The following CCDC144A variants were observed in gnomAD, a reference collection of about 807,000 sequenced individuals.
CCDC144A encodes coiled-coil domain-containing protein 144A.
A neutral mutation model predicts 143.8 loss-of-function variants in CCDC144A; 41 were observed. The observed-to-expected ratio is 0.29, with a 90% CI of 0.22 to 0.37. CCDC144A has a LOEUF of 0.37. CCDC144A is among the 10% of genes least tolerant of loss of function. CCDC144A has a pLI of 1.00. For missense variants in CCDC144A, 637 were observed against 1,488.8 expected, an observed-to-expected ratio of 0.43 and a Z score of 9.41; for synonymous variants, 242 against 517.9, an observed-to-expected ratio of 0.47 and a Z score of 7.23.
intron 2 of CCDC144A, among the ~76,000 whole-genome samples, chr17:16,702,050 T>C (rs1911765039): frequency 6.6e-6 from 1 of 152,188 alleles, no homozygotes; most frequent in Admixed American, 6.5e-5. Flanking sequence ...TCTATATTAT[T>C]ATAATATGGC....
chr17:16,733,002 A>T (rs1287145257), intron 11 of CCDC144A, among the ~76,000 whole-genome samples: 1 of 151,828 alleles, frequency 6.6e-6, no homozygotes, highest in South Asian at 2.1e-4. Context: ...TCTAGTTTTC[A>T]GACATTATTT....
intron 3 of CCDC144A, chr17:16,705,753 C>T (rs969592411): frequency 3.6e-6 from 1 of 276,578 alleles, no homozygotes; most frequent in African/African-American, 2.3e-5. Flanking sequence ...TTTATTTTTA[C>T]AGCTCTGAAT....
the CCDC144A span, among the ~76,000 whole-genome samples, chr17:16,670,319 G>A: frequency 7.1e-6 from 1 of 141,272 alleles, no homozygotes; most frequent in South Asian, 2.4e-4. Context: ...ACAGAGTCTG[G>A]CTCTGTCACC....
At chr17:16,691,764 AAAACAAACAAAC>A (rs199922365) in intron 1 of CCDC144A, 13 of 151,630 alleles carry the variant, frequency 8.6e-5, no homozygotes, top group African/African-American at 2.9e-4. Context: ...GACTCAGTCT[AAAACAAACAAAC>A]AAACAAACAA....
chr17:16,679,805 C>T, the CCDC144A span, among the ~76,000 whole-genome samples: 2 of 151,942 alleles, frequency 1.3e-5, no homozygotes, highest in Non-Finnish European at 2.9e-5. Context: ...TAAACTTCCT[C>T]TCTCTGGAAT....
chr17:16,693,385 C>T (rs1270108721), intron 2 of CCDC144A, among the ~76,000 whole-genome samples: 11 of 151,324 alleles, frequency 7.3e-5, no homozygotes, highest in East Asian at 1.9e-4. Flanking sequence ...GGTGCGATCT[C>T]GGCTCACTGC....
chr17:16,685,538 G>A (rs924274308), upstream of CCDC144A, among the ~76,000 whole-genome samples: 8 of 151,132 alleles, frequency 5.3e-5, no homozygotes, highest in Admixed American at 2.6e-4. Context: ...CTGCTACCAC[G>A]CCTGGCTAAT....
At chr17:16,693,584 G>T (rs1911226544) in intron 2 of CCDC144A, among the ~76,000 whole-genome samples, 1 of 152,092 alleles carries the variant, frequency 6.6e-6, no homozygotes, top group Middle Eastern at 3.2e-3. Context: ...CAAAGTGCTG[G>T]GATTACAGGC....
chr17:16,680,579 G>GAAAGAGAGAGAGAGAA, the CCDC144A span, among the ~76,000 whole-genome samples: 3 of 136,682 alleles, frequency 2.2e-5, no homozygotes, highest in East Asian at 6.9e-4. Context: ...AAGAAAGAGA[G>GAAAGAGAGAGAGAGAA]AAAGAGAGAG....
chr17:16,744,447 C>A (rs1914399445), intron 12 of CCDC144A, among the ~76,000 whole-genome samples: 2 of 152,174 alleles, frequency 1.3e-5, no homozygotes, highest in Non-Finnish European at 2.9e-5. Flanking sequence ...ATTTGCTTTT[C>A]TCTGATGATC....
intron 6 of CCDC144A, among the ~76,000 whole-genome samples, chr17:16,714,439 A>G (rs1202397730): frequency 6.6e-6 from 1 of 152,138 alleles, no homozygotes; most frequent in Non-Finnish European, 1.5e-5. Context: ...TCCTACTTGC[A>G]TTAATGGCAA....
intron 14 of CCDC144A, among the ~76,000 whole-genome samples, chr17:16,762,970 G>T (rs1915442765): frequency 6.8e-6 from 1 of 146,846 alleles, no homozygotes; most frequent in Non-Finnish European, 1.5e-5. Flanking sequence ...AAAACAGAAA[G>T]GGTCAAGTAC....
chr17:16,708,712 G>A (rs1255661627), intron 4 of CCDC144A, 84 bp from the exon 5 acceptor site: 20 of 1,554,556 alleles, frequency 1.3e-5, no homozygotes, highest in Non-Finnish European at 1.7e-5. Context: ...TAAGGACAAA[G>A]CTATTTTTAA....
chr17:16,758,012 T>C (rs554286823), intron 12 of CCDC144A, among the ~76,000 whole-genome samples: 383 of 152,158 alleles, frequency 2.5e-3, no homozygotes, highest in Non-Finnish European at 2.5e-3. Flanking sequence ...TCTTTGATGT[T>C]TTCCTCAAGG....
intron 6 of CCDC144A, among the ~76,000 whole-genome samples, chr17:16,717,270 GC>G (rs1305610636): frequency 6.6e-6 from 1 of 151,210 alleles, no homozygotes; most frequent in Non-Finnish European, 1.5e-5. Flanking sequence ...GCGCCACCAT[GC>G]CCAGCTAATT....
rs1440592976 is a variant in CCDC144A at position 16,730,823 on chromosome 17, C to T, written c.2106-977C>T. Among the ~76,000 whole-genome samples the T allele has an allele frequency of 2.1e-5, 3 of 142,364 alleles. 1 individual carries two copies. Among genetic ancestry groups the T allele is most frequent in the South Asian group, 4.7e-4 (2 of 4,236 alleles). 93.4% of individuals were successfully genotyped at this position (142,364 alleles called of 152,430 possible). On this transcript the variant is annotated intron_variant, in intron 9 of 16. Coordinates refer to ENST00000399273, the MANE Select transcript of CCDC144A (RefSeq NM_001382000.1). ...GTCATTCTTGATGTTTACTAGTGCT[C>T]CTGATTTGTGTACATTGATTTTGTA... is the stretch of plus-strand genomic sequence containing the variant.
At chr17:16,679,005 C>T in the CCDC144A span, among the ~76,000 whole-genome samples, 5 of 151,936 alleles carry the variant, frequency 3.3e-5, no homozygotes, top group Non-Finnish European at 7.4e-5. Flanking sequence ...CCGCCCGCCT[C>T]GGCCTTCCAA....
intron 12 of CCDC144A, among the ~76,000 whole-genome samples, chr17:16,757,983 G>A (rs1477100985): frequency 6.6e-6 from 1 of 152,130 alleles, no homozygotes; most frequent in African/African-American, 2.4e-5. Flanking sequence ...TCAATTTCCT[G>A]CTGAATTCCA....
chr17:16,739,720 AT>A (rs1914176396), intron 12 of CCDC144A, among the ~76,000 whole-genome samples: 5 of 152,192 alleles, frequency 3.3e-5, no homozygotes, highest in Non-Finnish European at 7.3e-5. Context: ...GACCATAAAA[AT>A]GTGTGTTTGT....
Sources: allele counts gnomAD v4.1 joint callset (sites outside exome capture counted in the v4.1 genomes callset), GRCh38; gene constraint gnomAD v4.1.1; transcripts MANE v1.5; gene names NCBI Gene and HGNC (gene_info 2026-07-23, HGNC 2026-07-21).